Variants in INPP4B observed in about 807,000 individuals in gnomAD.
INPP4B encodes the protein inositol polyphosphate 4-phosphatase type II.
Under a neutral mutation model 122.5 loss-of-function variants are expected in INPP4B, and 55 were observed. That is an observed-to-expected ratio of 0.45 (90% confidence interval 0.36 to 0.56). The LOEUF is 0.56. INPP4B is among the 20% of genes least tolerant of loss of function. INPP4B has a pLI of 0.00. For synonymous variants in INPP4B, 403 were observed against 388.7 expected (o/e 1.04, Z -0.43); for missense variants, 1,000 against 1,097.7 (o/e 0.91, Z 1.26).
At chr4:142,124,059 G>T (rs552144332) in intron 19 of INPP4B, among the ~76,000 whole-genome samples, 74 of 152,076 alleles carry the variant, frequency 4.9e-4, no homozygotes, top group Non-Finnish European at 6.9e-4. Flanking sequence ...TTGGCATTAT[G>T]AATCATGTTG....
chr4:142,463,722 G>A (rs766296102), intron 2 of INPP4B, among the ~76,000 whole-genome samples: 10 of 152,074 alleles, frequency 6.6e-5, no homozygotes, highest in South Asian at 4.2e-4. Flanking sequence ...GTGATAGTGA[G>A]TGAGTTCTCA....
At chr4:142,349,676 G>C (rs1447063616) in intron 7 of INPP4B, among the ~76,000 whole-genome samples, 4 of 151,922 alleles carry the variant, frequency 2.6e-5, no homozygotes, top group Admixed American at 2.0e-4. Context: ...CTTTGAAACA[G>C]AAATTTTGTG....
chr4:142,167,033 C>T (rs1481753815), intron 16 of INPP4B, among the ~76,000 whole-genome samples: 1 of 151,836 alleles, frequency 6.6e-6, no homozygotes, highest in Non-Finnish European at 1.5e-5. Context: ...CCAGCGATCT[C>T]ATTACTGGGT....
At chr4:142,128,967 T>C (rs954882231) in intron 18 of INPP4B, among the ~76,000 whole-genome samples, 1 of 152,242 alleles carries the variant, frequency 6.6e-6, no homozygotes, top group Non-Finnish European at 1.5e-5. Context: ...TCTTTGCTCA[T>C]TTAAAATAAT....
chr4:142,656,714 G>A (rs968673993), intron 2 of INPP4B, among the ~76,000 whole-genome samples: 1 of 152,176 alleles, frequency 6.6e-6, no homozygotes, highest in African/African-American at 2.4e-5. Flanking sequence ...ACAAGAATAA[G>A]AGGCTCTTCC....
At position 142,505,885 on chromosome 4, in the gene INPP4B, A is replaced by G. The variant is rs1416959669; in HGVS notation, c.-190-43159T>C. Among the ~76,000 whole-genome samples, 3 of 152,084 alleles carry G rather than the reference A, an allele frequency of 2.0e-5. No homozygotes were observed. In the East Asian group the frequency reaches 5.8e-4, roughly 29 times the overall value. ...TCTCCTATACCCAGATATTGTATTT[A>G]TTTTCCAAACAATTCCTGCAATGCC... is the stretch of plus-strand genomic sequence containing the variant. On this transcript the variant is annotated intron_variant, in intron 2 of 25. Coordinates refer to ENST00000262992, the MANE Select transcript of INPP4B (RefSeq NM_001101669.3).
chr4:142,407,160 T>A (rs59339281), intron 5 of INPP4B, among the ~76,000 whole-genome samples: 2,277 of 152,336 alleles, frequency 0.015, 51 homozygotes, highest in African/African-American at 0.052. Context: ...TTACTTGCAA[T>A]ATGAATGTGT....
intron 5 of INPP4B, among the ~76,000 whole-genome samples, chr4:142,409,070 G>A (rs1006774114): frequency 1.3e-5 from 2 of 152,168 alleles, no homozygotes; most frequent in African/African-American, 4.8e-5. Flanking sequence ...AGTAACATGA[G>A]GGTTCACATT....
intron 2 of INPP4B, among the ~76,000 whole-genome samples, chr4:142,703,575 C>T (rs1007341720): frequency 6.6e-6 from 1 of 152,104 alleles, no homozygotes; most frequent in Non-Finnish European, 1.5e-5. Context: ...AGGTTTGGAA[C>T]ATAGGGTTTG....
intron 12 of INPP4B, among the ~76,000 whole-genome samples, chr4:142,228,129 C>A (rs1852445359): frequency 6.6e-6 from 1 of 151,688 alleles, no homozygotes; most frequent in Non-Finnish European, 1.5e-5. Context: ...TTTTTTATCA[C>A]ATAGTTTTTA....
intron 2 of INPP4B, among the ~76,000 whole-genome samples, chr4:142,517,230 G>A (rs546360994): frequency 4.6e-5 from 7 of 152,020 alleles, no homozygotes; most frequent in African/African-American, 1.7e-4. Flanking sequence ...CAGTAATTGA[G>A]GTTTGCAAGT....
chr4:142,069,924 G>A (rs186005882), intron 25 of INPP4B, among the ~76,000 whole-genome samples: 21 of 152,202 alleles, frequency 1.4e-4, no homozygotes, highest in African/African-American at 3.4e-4. Flanking sequence ...AACTGGTACC[G>A]TTTCTTCTGA....
chr4:142,616,402 C>G (rs1743711103), intron 2 of INPP4B, among the ~76,000 whole-genome samples: 1 of 152,156 alleles, frequency 6.6e-6, no homozygotes, highest in Non-Finnish European at 1.5e-5. Context: ...GGAGGCAAGA[C>G]AAGGTCGGAG....
intron 23 of INPP4B, among the ~76,000 whole-genome samples, chr4:142,102,398 G>A (rs1784881925): frequency 6.6e-6 from 1 of 151,020 alleles, no homozygotes; most frequent in African/African-American, 2.4e-5. Flanking sequence ...GAATTTAAAA[G>A]GACATCAGAG....
At chr4:142,665,217 G>C (rs1342667399) in intron 2 of INPP4B, among the ~76,000 whole-genome samples, 1 of 152,148 alleles carries the variant, frequency 6.6e-6, no homozygotes, top group Non-Finnish European at 1.5e-5. Flanking sequence ...TTCCGGCCAG[G>C]CACGGTGGCT....
chr4:142,341,644 T>C, intron 7 of INPP4B, among the ~76,000 whole-genome samples: 1 of 152,160 alleles, frequency 6.6e-6, no homozygotes, highest in East Asian at 1.9e-4. Context: ...TCTCATGATG[T>C]TTATATTAAA....
At chr4:142,492,900 C>T (rs1249861202) in intron 2 of INPP4B, among the ~76,000 whole-genome samples, 3 of 152,188 alleles carry the variant, frequency 2.0e-5, no homozygotes, top group South Asian at 2.1e-4. Context: ...GAGACCTTCA[C>T]AGCAGCCTGT....
At chr4:142,121,398 T>C (rs1306201289) in intron 21 of INPP4B, among the ~76,000 whole-genome samples, 2 of 152,120 alleles carry the variant, frequency 1.3e-5, no homozygotes, top group Non-Finnish European at 2.9e-5. Context: ...GGCTCTCCCT[T>C]TTGTATGTTC....
intron 1 of INPP4B, among the ~76,000 whole-genome samples, chr4:142,736,039 T>C (rs1473537939): frequency 6.6e-6 from 1 of 151,616 alleles, no homozygotes; most frequent in Non-Finnish European, 1.5e-5. Context: ...GTCACACCAT[T>C]GCCAAAGTCA....
Sources: gnomAD v4.1 joint callset for allele counts (sites outside exome capture counted in the v4.1 genomes callset) on GRCh38, gnomAD v4.1.1 for gene constraint, MANE v1.5 for transcripts, NCBI Gene and HGNC (gene_info 2026-07-23, HGNC 2026-07-21) for gene names.